CLNK: variants seen among roughly 807,000 people sequenced by gnomAD.
CLNK encodes the protein cytokine-dependent hematopoietic cell linker.
Under a neutral mutation model 68.6 loss-of-function variants are expected in CLNK, and 74 were observed. The ratio of observed to expected loss-of-function variants is 1.08; its 90% CI spans 0.89 to 1.31. CLNK has a LOEUF of 1.31. CLNK is among the 50% of genes most tolerant of loss of function. CLNK has a pLI of 0.00. For synonymous variants in CLNK, 198 were observed against 172.2 expected (o/e 1.15, Z -1.17); for missense variants, 553 against 515.3 (o/e 1.07, Z -0.71).
At chr4:10,652,405 GA>G (rs1237549000) in intron 2 of CLNK, among the ~76,000 whole-genome samples, 13 of 118,086 alleles carry the variant, frequency 1.1e-4, no homozygotes, top group Non-Finnish European at 1.9e-4. Flanking sequence ...AAAAAAAAAG[GA>G]AAAAAAAGAC....
intron 4 of CLNK, among the ~76,000 whole-genome samples, chr4:10,576,508 G>T (rs1230446195): frequency 1.3e-5 from 2 of 152,164 alleles, no homozygotes; most frequent in Admixed American, 6.5e-5. Context: ...AGTGAAGATG[G>T]ATATACGCAG....
intron 8 of CLNK, among the ~76,000 whole-genome samples, chr4:10,544,075 TG>T (rs1719134458): frequency 6.6e-6 from 1 of 152,236 alleles, no homozygotes; most frequent in South Asian, 2.1e-4. Flanking sequence ...TGGACCATCT[TG>T]CTGCCTGTGT....
At chr4:10,598,513 A>G (rs768173071) in intron 2 of CLNK, among the ~76,000 whole-genome samples, 1 of 152,360 alleles carries the variant, frequency 6.6e-6, no homozygotes, top group South Asian at 2.1e-4. Flanking sequence ...GTTGAATTTC[A>G]TAAAAATCTA....
chr4:10,664,583 T>A (rs1724320038), intron 2 of CLNK, among the ~76,000 whole-genome samples: 1 of 152,218 alleles, frequency 6.6e-6, no homozygotes, highest in Non-Finnish European at 1.5e-5. Context: ...CCTGTTCTAG[T>A]TCAGCACTTC....
chr4:10,581,332 T>C (rs2108834651), intron 4 of CLNK, among the ~76,000 whole-genome samples: 1 of 152,216 alleles, frequency 6.6e-6, no homozygotes, highest in African/African-American at 2.4e-5. Flanking sequence ...TGTATATTCA[T>C]ATACATATAC....
chr4:10,697,572 C>T, the CLNK span: 1 of 152,170 alleles, frequency 6.6e-6, no homozygotes, highest in Admixed American at 6.5e-5. Flanking sequence ...TCACCTTCTT[C>T]CCCTTTCCCA....
chr4:10,512,592 A>G (rs1269802641), intron 16 of CLNK, among the ~76,000 whole-genome samples: 1 of 152,106 alleles, frequency 6.6e-6, no homozygotes. Context: ...AGAATTAGGT[A>G]GAAATTAATA....
chr4:10,702,285 A>G, the CLNK span, among the ~76,000 whole-genome samples: 13 of 152,138 alleles, frequency 8.5e-5, no homozygotes, highest in Non-Finnish European at 1.6e-4. Flanking sequence ...GCAGGCAGGA[A>G]GAACACTCAG....
intron 8 of CLNK, among the ~76,000 whole-genome samples, chr4:10,552,427 C>G (rs541254401): frequency 1.3e-5 from 2 of 152,120 alleles, no homozygotes; most frequent in Non-Finnish European, 2.9e-5. Context: ...TGCAACTTCC[C>G]CAGTTATTCC....
chr4:10,543,401 G>T (rs1045480166), intron 8 of CLNK, among the ~76,000 whole-genome samples: 6 of 152,144 alleles, frequency 3.9e-5, no homozygotes, highest in Non-Finnish European at 8.8e-5. Context: ...CTGAACACCG[G>T]CTGGGTGGCT....
At chr4:10,549,059 A>G (rs186042935) in intron 8 of CLNK, among the ~76,000 whole-genome samples, 29 of 152,178 alleles carry the variant, frequency 1.9e-4, no homozygotes, top group Non-Finnish European at 3.1e-4. Context: ...ATTATAATGT[A>G]GGATTATTTT....
In CLNK at chr4:10,508,018, A is replaced by C; in HGVS notation, c.925T>G (p.Trp309Gly). The change falls in exon 17 of 19, where the codon TGG becomes GGG. Residue 309 changes from tryptophan (W) to glycine (G), a missense_variant. Coordinates refer to ENST00000226951, the MANE Select transcript of CLNK (RefSeq NM_052964.4). ...TGGCGGCTGTATTCTCCAATGTACC[A>C]TTCATTGTGCTGGACATCCTGCAGA... ...SDRKDVQHNE[W>G]YIGEYSRQAV... 2 of 1,611,222 alleles carry C rather than the reference A, an allele frequency of 1.2e-6. No homozygotes were observed.
At chr4:10,501,701 C>T (rs975350523) in intron 17 of CLNK, among the ~76,000 whole-genome samples, 3 of 152,110 alleles carry the variant, frequency 2.0e-5, no homozygotes, top group Non-Finnish European at 4.4e-5. Flanking sequence ...CCAAGGCAGG[C>T]GGATCACCGG....
chr4:10,549,065 A>AT (rs1453184184), intron 8 of CLNK, among the ~76,000 whole-genome samples: 2 of 152,128 alleles, frequency 1.3e-5, no homozygotes, highest in South Asian at 2.1e-4. Flanking sequence ...ATGTAGGATT[A>AT]TTTTTTCTAG....
the CLNK span, among the ~76,000 whole-genome samples, chr4:10,702,791 C>T: frequency 6.6e-6 from 1 of 152,108 alleles, no homozygotes; most frequent in Non-Finnish European, 1.5e-5. Context: ...AGAATACTGC[C>T]TGGAACTTGC....
intron 2 of CLNK, among the ~76,000 whole-genome samples, chr4:10,632,198 A>C (rs2531209): frequency 0.32 from 48,713 of 152,132 alleles, 8,835 homozygotes; most frequent in African/African-American, 0.5. Flanking sequence ...ACGAGTGTCC[A>C]GGCATCGTCC....
chr4:10,622,242 C>T (rs1205470854), intron 2 of CLNK, among the ~76,000 whole-genome samples: 1 of 152,096 alleles, frequency 6.6e-6, no homozygotes, highest in African/African-American at 2.4e-5. Context: ...ATATTATTCC[C>T]ATTATACTGA....
At chr4:10,726,538 G>C in the CLNK span, among the ~76,000 whole-genome samples, 1 of 152,120 alleles carries the variant, frequency 6.6e-6, no homozygotes, top group African/African-American at 2.4e-5. Flanking sequence ...CAATTGCTCT[G>C]TTTCCAGGTA....
intron 2 of CLNK, among the ~76,000 whole-genome samples, chr4:10,600,442 G>C (rs1033295617): frequency 6.6e-5 from 10 of 152,160 alleles, no homozygotes; most frequent in Non-Finnish European, 1.5e-4. Flanking sequence ...ACAGATGAAG[G>C]CTGCTTCCTG....
Sources: gnomAD v4.1 joint callset for allele counts (sites outside exome capture counted in the v4.1 genomes callset) on GRCh38, gnomAD v4.1.1 for gene constraint, MANE v1.5 for transcripts, NCBI Gene and HGNC (gene_info 2026-07-23, HGNC 2026-07-21) for gene names.